Variants in EFCAB6 observed in about 807,000 individuals in gnomAD.
EFCAB6 encodes the protein EF-hand calcium binding domain 6, also known as EF-hand calcium-binding domain-containing protein 6.
EFCAB6 carries 156 observed loss-of-function variants against 169.8 expected under a neutral mutation model. The ratio of observed to expected loss-of-function variants is 0.92; its 90% CI spans 0.81 to 1.05. EFCAB6 has a LOEUF of 1.05. Among genes scored for constraint, EFCAB6 ranks in the 50% least tolerant of loss-of-function variants. The pLI, the probability that EFCAB6 is intolerant of heterozygous loss-of-function variation, is 0.00. For missense variants in EFCAB6, 1,800 were observed against 1,829.1 expected (o/e 0.98, Z 0.29); for synonymous variants, 698 against 676.4 (o/e 1.03, Z -0.50).
At chr22:43,648,831 T>C (rs1009171052) in intron 17 of EFCAB6, among the ~76,000 whole-genome samples, 9 of 152,146 alleles carry the variant, frequency 5.9e-5, no homozygotes, top group South Asian at 2.1e-4. Flanking sequence ...CTTTATAAAA[T>C]TGATTCATGC....
intron 17 of EFCAB6, among the ~76,000 whole-genome samples, chr22:43,659,513 A>C (rs1011359756): frequency 3.3e-5 from 5 of 152,058 alleles, no homozygotes; most frequent in Non-Finnish European, 5.9e-5. Flanking sequence ...TGTAAAAATT[A>C]TCCGGGTGTG....
At position 43,600,167 on chromosome 22, in the gene EFCAB6, C is replaced by A; in HGVS notation, c.2778G>T (p.Glu926Asp). ...AATGACCCATGAAGTTGAAATAATC[C>A]TCTGCACAGGGCCGATGGACAGCAG... is the stretch of plus-strand genomic sequence containing the variant. Reference protein sequence around the residue: ...YSPAVHRPCAEDYFNFMGHFT... With the variant: ...YSPAVHRPCADDYFNFMGHFT... The change falls in exon 23 of 32, where the codon GAG becomes GAT. Residue 926 changes from glutamate to aspartate, a missense_variant. Physicochemically the swap from Glu to Asp is conservative, Grantham distance 45 (BLOSUM62 2). Coordinates refer to ENST00000262726, the MANE Select transcript of EFCAB6 (RefSeq NM_022785.4). The A allele has an allele frequency of 6.2e-7, 1 of 1,614,108 alleles. No homozygotes were observed. The highest frequency in any genetic ancestry group is 8.5e-7 in the Non-Finnish European group (1 of 1,180,022).
At chr22:43,529,108 T>G in intron 31 of EFCAB6, 133 bp from the exon 32 acceptor site, 3 of 1,089,830 alleles carry the variant, frequency 2.8e-6, no homozygotes, top group Non-Finnish European at 3.8e-6. Flanking sequence ...CTCCCATCTG[T>G]GCGCTCTCTC....
chr22:43,590,305 T>C, intron 23 of EFCAB6, 76 bp from the exon 24 acceptor site: 1 of 1,517,712 alleles, frequency 6.6e-7, no homozygotes, highest in African/African-American at 1.4e-5. Flanking sequence ...CACTGCATGA[T>C]TATTCTAATG....
intron 27 of EFCAB6, among the ~76,000 whole-genome samples, chr22:43,545,250 T>C (rs2047984948): frequency 6.6e-6 from 1 of 151,910 alleles, no homozygotes; most frequent in South Asian, 2.1e-4. Context: ...GGTTTCATGC[T>C]TTCTGGCCAC....
chr22:43,601,024 A>C (rs745810632), intron 22 of EFCAB6, among the ~76,000 whole-genome samples: 1 of 152,254 alleles, frequency 6.6e-6, no homozygotes, highest in East Asian at 1.9e-4. Context: ...AAGGTTTAGA[A>C]AAAAATTCTT....
chr22:43,727,308 G>C (rs1008934522), intron 8 of EFCAB6, among the ~76,000 whole-genome samples: 1 of 152,092 alleles, frequency 6.6e-6, no homozygotes, highest in Non-Finnish European at 1.5e-5. Context: ...CATGCCTGTG[G>C]TCCTAGCTGG....
intron 4 of EFCAB6, among the ~76,000 whole-genome samples, chr22:43,771,139 TAATG>T (rs1364332047): frequency 6.6e-6 from 1 of 152,090 alleles, no homozygotes; most frequent in Admixed American, 6.5e-5. Context: ...GATTAAGAAC[TAATG>T]AATGAGGCCA....
At chr22:43,715,421 A>G (rs2059298768) in intron 9 of EFCAB6, among the ~76,000 whole-genome samples, 1 of 152,234 alleles carries the variant, frequency 6.6e-6, no homozygotes, top group African/African-American at 2.4e-5. Context: ...GACCACCAGC[A>G]AAGCACTGGC....
intron 10 of EFCAB6, among the ~76,000 whole-genome samples, chr22:43,704,607 T>G (rs890636785): frequency 5.3e-5 from 8 of 152,140 alleles, no homozygotes; most frequent in Non-Finnish European, 8.8e-5. Flanking sequence ...TATGTAAATT[T>G]TGACATCAAA....
In EFCAB6 at chr22:43,580,734, G is replaced by C. The variant is rs1055138570; in HGVS notation, c.3033-75C>G. ...ACTGCTTATTCATTCAACAGTTGCT[G>C]AGCACATTGGGCAATGTGGGGAAAA... On this transcript the variant is annotated intron_variant, in intron 24 of 31. Transcript: ENST00000262726. The C allele has an allele frequency of 3.4e-6, 5 of 1,488,092 alleles. No individual in the cohort carries two copies. In the African/African-American group the frequency reaches 7.0e-5, roughly 21 times the overall value. 92.2% of individuals were successfully genotyped at this position (1,488,092 alleles called of 1,614,324 possible).
rs764429447 is a variant in EFCAB6, at chr22:43,687,526, G to A, written c.1087C>T (p.His363Tyr). Residue 363 changes from histidine to tyrosine, a missense_variant, in exon 11 of 32, where the codon CAT becomes TAT. By Grantham distance (83) the His-to-Tyr change is moderately conservative (BLOSUM62 2). Transcript: ENST00000262726. ...CTAACTTGCAACCCCTGAGGCTCAT[G>A]AAATGATGTTAGAAATTGCTTCCAA... ...INWKQFLTSF[H>Y]EPQGLQVSSK... 2 of 1,598,870 alleles carry A rather than the reference G, an allele frequency of 1.3e-6. No homozygotes were observed. The highest frequency in any genetic ancestry group is 1.7e-6 in the Non-Finnish European group (2 of 1,174,646).
chr22:43,677,732 G>A (rs573195364), intron 13 of EFCAB6, among the ~76,000 whole-genome samples: 1 of 152,198 alleles, frequency 6.6e-6, no homozygotes, highest in Non-Finnish European at 1.5e-5. Flanking sequence ...CTGTTGAGGT[G>A]GCGCCAGTTA....
intron 21 of EFCAB6, among the ~76,000 whole-genome samples, chr22:43,610,629 A>G (rs1441533451): frequency 2.6e-5 from 4 of 152,226 alleles, no homozygotes; most frequent in Admixed American, 1.3e-4. Flanking sequence ...TATTGGCAAT[A>G]TTCTTTTCCT....
At chr22:43,613,976 A>G (rs551284950) in intron 21 of EFCAB6, among the ~76,000 whole-genome samples, 1 of 152,158 alleles carries the variant, frequency 6.6e-6, no homozygotes, top group South Asian at 2.1e-4. Flanking sequence ...GAGCTATATA[A>G]TGAAAACTAC....
At chr22:43,547,771 C>A (rs1275518378) in intron 27 of EFCAB6, among the ~76,000 whole-genome samples, 1 of 149,908 alleles carries the variant, frequency 6.7e-6, no homozygotes, top group Admixed American at 6.7e-5. Context: ...AAAACATAAT[C>A]CAAAATAAGA....
chr22:43,549,244 T>C (rs2048248758), intron 27 of EFCAB6, among the ~76,000 whole-genome samples: 1 of 152,026 alleles, frequency 6.6e-6, no homozygotes, highest in Non-Finnish European at 1.5e-5. Context: ...CAGAAATTAA[T>C]AGAAAATTAA....
At chr22:43,713,054 C>T (rs1341924135) in intron 9 of EFCAB6, among the ~76,000 whole-genome samples, 1 of 152,156 alleles carries the variant, frequency 6.6e-6, no homozygotes, top group Non-Finnish European at 1.5e-5. Flanking sequence ...CATCCATTTT[C>T]CATCTTCATA....
intron 20 of EFCAB6, among the ~76,000 whole-genome samples, chr22:43,617,128 G>C (rs2147733370): frequency 6.6e-6 from 1 of 152,284 alleles, no homozygotes; most frequent in East Asian, 1.9e-4. Context: ...GGGTGGAAAG[G>C]GATCCAAAGT....
Sources: gnomAD v4.1 joint callset for allele counts (sites outside exome capture counted in the v4.1 genomes callset) on GRCh38, gnomAD v4.1.1 for gene constraint, MANE v1.5 for transcripts, NCBI Gene and HGNC (gene_info 2026-07-23, HGNC 2026-07-21) for gene names.